SPATA21: variants seen among roughly 807,000 people sequenced by gnomAD.
The protein encoded by SPATA21 is spermatogenesis associated 21, also known as spermatogenesis-associated protein 21.
A neutral mutation model predicts 54.8 loss-of-function variants in SPATA21; 47 were observed. That is an observed-to-expected ratio of 0.86 (90% CI 0.68 to 1.09). The LOEUF is 1.09. SPATA21 is among the 50% of genes least tolerant of loss of function. The pLI, the probability that SPATA21 is intolerant of heterozygous loss-of-function variation, is 0.00. For synonymous variants in SPATA21, 245 were observed against 235.3 expected (o/e 1.04, Z -0.38); for missense variants, 599 against 596.4 (o/e 1.00, Z -0.05).
At chr1:16,425,678 C>T in intron 3 of SPATA21, 1 of 1,550,314 alleles carries the variant, frequency 6.5e-7, no homozygotes. Context: ...CTGATCCTGG[C>T]CTGCTTGCAG....
At chr1:16,427,955 C>T (rs1406191700) in intron 3 of SPATA21, 3 of 1,550,146 alleles carry the variant, frequency 1.9e-6, no homozygotes, top group Non-Finnish European at 2.6e-6. Context: ...TTCTCTGGCC[C>T]TCGTGAAGCT....
chr1:16,427,911 C>T (rs1286854335), intron 3 of SPATA21: 1 of 1,550,088 alleles, frequency 6.5e-7, no homozygotes, highest in African/African-American at 1.4e-5. Flanking sequence ...GCTCTGAAGG[C>T]CCCTTCTCAA....
rs763305753 is a variant in SPATA21 at position 16,410,041 on chromosome 1, C to T, written c.147G>A (p.Glu49=). The T allele has an allele frequency of 6.4e-7, 1 of 1,550,686 alleles. No homozygotes were observed. Among genetic ancestry groups the T allele is most frequent in the Non-Finnish European group, 8.7e-7 (1 of 1,152,952 alleles). Residue 49 remains glutamate (E), a splice_region_variant and synonymous_variant, in exon 6 of 13, where the codon GAG becomes GAA. Transcript: ENST00000335496. ...HPAPGPLPPP[E]VRDIGERREP... ...CCCGCCTCTCTCCAATGTCCCTCAC[C>T]TCCTGGGGACAGGGGAGGGGATCCA...
chr1:16,410,637 C>G (rs2100820321), intron 5 of SPATA21: 1 of 196,272 alleles, frequency 5.1e-6, no homozygotes, highest in African/African-American at 2.4e-5. Context: ...TCTCCAACTC[C>G]TGACCTCACA....
chr1:16,422,324 A>C, intron 3 of SPATA21: 1 of 799,296 alleles, frequency 1.3e-6, no homozygotes. Context: ...GCATCATCTT[A>C]CTTAATTCTC....
intron 5 of SPATA21, among the ~76,000 whole-genome samples, chr1:16,413,596 T>C (rs2085916614): frequency 6.6e-6 from 1 of 151,612 alleles, no homozygotes; most frequent in Non-Finnish European, 1.5e-5. Context: ...ACTACCATCT[T>C]TCTCTTCTCT....
chr1:16,418,156 G>A (rs1310865076), intron 5 of SPATA21, among the ~76,000 whole-genome samples: 2 of 152,214 alleles, frequency 1.3e-5, no homozygotes, highest in Non-Finnish European at 2.9e-5. Context: ...GAGCTAAATT[G>A]TGCCCTCTCC....
chr1:16,406,318 A>T (rs1261657564), intron 7 of SPATA21, among the ~76,000 whole-genome samples: 1 of 152,114 alleles, frequency 6.6e-6, no homozygotes, highest in Admixed American at 6.6e-5. Flanking sequence ...GATTGCTCTT[A>T]TGTTGAAGCC....
intron 5 of SPATA21, among the ~76,000 whole-genome samples, chr1:16,419,723 G>A (rs192962933): frequency 1.8e-4 from 28 of 152,194 alleles, no homozygotes; most frequent in South Asian, 1.0e-3. Context: ...GCGGATCACC[G>A]GAGGTAAGGA....
chr1:16,434,206 G>GTAA (rs1002133010), intron 1 of SPATA21, among the ~76,000 whole-genome samples: 1 of 151,942 alleles, frequency 6.6e-6, no homozygotes, highest in Non-Finnish European at 1.5e-5. Context: ...TTATGGCTGA[G>GTAA]TAATATTTCA....
chr1:16,398,440 A>G (rs545434545), downstream of SPATA21, among the ~76,000 whole-genome samples: 6 of 152,292 alleles, frequency 3.9e-5, no homozygotes, highest in East Asian at 1.2e-3. Flanking sequence ...TGGGGCTCCC[A>G]GTCCAGAGGG....
intron 10 of SPATA21, among the ~76,000 whole-genome samples, chr1:16,402,363 G>A (rs988154639): frequency 6.5e-5 from 9 of 138,384 alleles, no homozygotes; most frequent in African/African-American, 2.2e-4. Flanking sequence ...CTGGGTTCAC[G>A]TCATTCTCCT....
intron 5 of SPATA21, among the ~76,000 whole-genome samples, chr1:16,414,148 C>G (rs747872365): frequency 3.9e-5 from 6 of 152,048 alleles, no homozygotes; most frequent in Non-Finnish European, 8.8e-5. Context: ...TCACTGCAAC[C>G]TCCGCCTCCC....
intron 1 of SPATA21, among the ~76,000 whole-genome samples, chr1:16,436,863 A>G (rs1161841395): frequency 6.6e-6 from 1 of 152,040 alleles, no homozygotes; most frequent in Non-Finnish European, 1.5e-5. Context: ...CCTATGGAAA[A>G]ACAAATAAAT....
intron 7 of SPATA21, chr1:16,408,555 A>G (rs1212100209): frequency 8.1e-6 from 8 of 985,338 alleles, no homozygotes; most frequent in Admixed American, 1.2e-4. Flanking sequence ...TGGCACAGGG[A>G]GAGCGCTGGA....
At chr1:16,411,789 C>CAA (rs1170429146) in intron 5 of SPATA21, among the ~76,000 whole-genome samples, 4 of 35,124 alleles carry the variant, frequency 1.1e-4, no homozygotes, top group Admixed American at 2.7e-4. Flanking sequence ...GACTCTGTCT[C>CAA]AAAAAAAAAA....
chr1:16,402,062 A>C (rs1157302170), intron 10 of SPATA21, among the ~76,000 whole-genome samples: 5 of 152,062 alleles, frequency 3.3e-5, no homozygotes, highest in Admixed American at 6.6e-5. Context: ...CTAGCTTTGC[A>C]CAGGGACAAC....
At chr1:16,412,473 T>C (rs528451160) in intron 5 of SPATA21, among the ~76,000 whole-genome samples, 16 of 152,306 alleles carry the variant, frequency 1.1e-4, no homozygotes, top group African/African-American at 3.6e-4. Context: ...TCTTTGTTTG[T>C]TTGTTTTGAG....
downstream of SPATA21, chr1:16,396,629 C>T (rs564902073): frequency 6.5e-6 from 1 of 152,816 alleles, no homozygotes; most frequent in African/African-American, 2.4e-5. Context: ...AGACAGCCTC[C>T]CTGCTCCTGA....
Sources: allele counts gnomAD v4.1 joint callset (sites outside exome capture counted in the v4.1 genomes callset), GRCh38; gene constraint gnomAD v4.1.1; transcripts MANE v1.5; gene names NCBI Gene and HGNC (gene_info 2026-07-23, HGNC 2026-07-21).